The following LGR6 variants were observed in gnomAD, a reference collection of about 807,000 sequenced individuals.
LGR6 encodes the protein leucine rich repeat containing G protein-coupled receptor 6.
Under a neutral mutation model 69.4 loss-of-function variants are expected in LGR6, and 45 were observed. The ratio of observed to expected loss-of-function variants is 0.65; its 90% confidence interval spans 0.51 to 0.83. The LOEUF (loss-of-function observed/expected upper bound fraction) is 0.83, where lower values mean the gene tolerates loss of function less well. Among genes scored for constraint, LGR6 ranks in the 40% least tolerant of loss-of-function variants. LGR6 has a pLI of 0.00. For missense variants in LGR6, 1,108 were observed against 1,246.7 expected (o/e 0.89, Z 1.68); for synonymous variants, 538 against 555.0 (o/e 0.97, Z 0.43).
Position 202,309,053 on chromosome 1 carries a change from A to C in LGR6, c.1283A>C (p.Asp428Ala), listed in dbSNP as rs1312510039. Residue 428 changes from aspartate to alanine, a missense_variant and splice_region_variant, in exon 15 of 18, where the codon GAC becomes GCC. By Grantham distance (126) the Asp-to-Ala change is moderately radical. Transcript: ENST00000367278. ...ACCCTGACCATCCACTGTCCTAGGG[A>C]CCTGACAGACAACCAGCTGACCACA... ...FSTLHSLVKL[D>A]LTDNQLTTLP... 6.2e-7 allele frequency: 1 copy of C among 1,613,886 alleles called. No homozygotes were observed. The highest frequency in any genetic ancestry group is 1.3e-5 in the African/African-American group (1 of 74,902).
chr1:202,314,245 G>T (rs1002547329), intron 16 of LGR6, among the ~76,000 whole-genome samples: 2 of 152,156 alleles, frequency 1.3e-5, no homozygotes, highest in African/African-American at 4.8e-5. Context: ...CTTTGAGGAC[G>T]GCCATGATAC....
At position 202,304,571 on chromosome 1, in the gene LGR6, C is replaced by T. The variant is rs762319211; in HGVS notation, c.1011C>T (p.Arg337=). 40 of 1,609,232 alleles carry T rather than the reference C, an allele frequency of 2.5e-5. No homozygotes were observed. The highest frequency in any genetic ancestry group is 1.7e-4 in the South Asian group (15 of 90,740). Residue 337 remains arginine (R), a synonymous_variant, in exon 11 of 18, where the codon CGC becomes CGT. Transcript: ENST00000367278. ...TTSLEILTLT[R]AGIRLLPSGM... The stretch of plus-strand genomic sequence containing the variant: ...GTTCTCCCTGCAGGACCCTGACCCG[C>T]GCAGGCATCCGGCTGCTCCCATCGG...
Position 202,193,956 on chromosome 1 carries a change from G to A in LGR6, c.-34G>A, listed in dbSNP as rs1251032494. 3.1e-6 allele frequency: 4 copies of A among 1,279,732 alleles called. No individual in the cohort carries two copies. The highest frequency in any genetic ancestry group is 4.0e-6 in the Non-Finnish European group (4 of 1,009,234). 79.3% of individuals were successfully genotyped at this position (1,279,732 alleles called of 1,614,324 possible). On this transcript the variant is annotated 5_prime_UTR_variant, in exon 1 of 18. Coordinates refer to ENST00000367278, the MANE Select transcript of LGR6 (RefSeq NM_001017403.2). ...GCCATCGCGCCGTGCGTCCGCGCCCGGCCGCCAGGTGCCCCAGTAGCCCGA... is the reference window on the plus strand; with the variant it reads ...GCCATCGCGCCGTGCGTCCGCGCCCAGCCGCCAGGTGCCCCAGTAGCCCGA...
At chr1:202,237,629 A>G (rs927688337) in intron 4 of LGR6, among the ~76,000 whole-genome samples, 1 of 152,134 alleles carries the variant, frequency 6.6e-6, no homozygotes, top group African/African-American at 2.4e-5. Context: ...TTTTCCCTAC[A>G]CTTTCTGGGA....
intron 15 of LGR6, among the ~76,000 whole-genome samples, chr1:202,309,628 G>A (rs1572016493): frequency 6.6e-6 from 1 of 152,254 alleles, no homozygotes; most frequent in African/African-American, 2.4e-5. Context: ...CCATGCAGCA[G>A]CAGTGGTGCA....
intron 6 of LGR6, among the ~76,000 whole-genome samples, chr1:202,292,157 G>A (rs1345822854): frequency 2.0e-5 from 3 of 152,226 alleles, no homozygotes; most frequent in African/African-American, 7.2e-5. Flanking sequence ...GGGCATCGGA[G>A]CCCATTAAGG....
intron 4 of LGR6, among the ~76,000 whole-genome samples, chr1:202,264,045 T>G (rs1285392225): frequency 6.6e-6 from 1 of 151,742 alleles, no homozygotes; most frequent in African/African-American, 2.4e-5. Flanking sequence ...ATGGAGAAAT[T>G]GATGGATGGA....
At chr1:202,220,728 C>T (rs76006524) in intron 1 of LGR6, among the ~76,000 whole-genome samples, 8 of 151,908 alleles carry the variant, frequency 5.3e-5, no homozygotes, top group African/African-American at 1.7e-4. Context: ...ACTGTGGGGA[C>T]GGGGTTCTGG....
rs1250281039 is a variant in LGR6, at chr1:202,310,306, G to A, written c.1516G>A (p.Glu506Lys). 2.5e-6 allele frequency: 4 copies of A among 1,613,972 alleles called. No homozygotes were observed. The highest frequency in any genetic ancestry group is 1.1e-5 in the South Asian group (1 of 91,072). ...TGAAGACCTTCACCTTGATGATGAG[G>A]AGTCTTCAAAAAGGCCCCTGGGCCT... ...EAEDLHLDDE[E>K]SSKRPLGLLA... The change falls in exon 16 of 18, where the codon GAG becomes AAG. Residue 506 changes from glutamate (E) to lysine (K), a missense_variant. Physicochemically the swap from Glu to Lys is moderately conservative, Grantham distance 56 (BLOSUM62 1). Transcript: ENST00000367278.
chr1:202,258,293 T>C (rs1663950758), intron 4 of LGR6, among the ~76,000 whole-genome samples: 1 of 152,066 alleles, frequency 6.6e-6, no homozygotes, highest in African/African-American at 2.4e-5. Flanking sequence ...CTATTTATTA[T>C]ATGACATGAA....
rs1253140579 is a variant in LGR6 at position 202,193,953 on chromosome 1, C to A, written c.-37C>A. 7.9e-7 allele frequency: 1 copy of A among 1,266,062 alleles called. No individual in the cohort carries two copies. The highest frequency in any genetic ancestry group is 1.0e-6 in the Non-Finnish European group (1 of 998,866). The allele number at this position is 1,266,062 out of a possible 1,614,324, so 78.4% of individuals were successfully genotyped here. On this transcript the variant is annotated 5_prime_UTR_variant, in exon 1 of 18. Transcript: ENST00000367278. The stretch of plus-strand genomic sequence containing the variant: ...GCGGCCATCGCGCCGTGCGTCCGCG[C>A]CCGGCCGCCAGGTGCCCCAGTAGCC...
chr1:202,313,905 T>C (rs933715104), intron 16 of LGR6, among the ~76,000 whole-genome samples: 1 of 152,228 alleles, frequency 6.6e-6, no homozygotes, highest in Non-Finnish European at 1.5e-5. Context: ...GCACTCATTG[T>C]AGCATGACAA....
chr1:202,244,799 C>T (rs1662510360), intron 4 of LGR6, among the ~76,000 whole-genome samples: 1 of 152,148 alleles, frequency 6.6e-6, no homozygotes, highest in East Asian at 1.9e-4. Flanking sequence ...GAAAGTGGGC[C>T]TGGACCCTGT....
At chr1:202,262,330 A>C (rs1299713369) in intron 4 of LGR6, among the ~76,000 whole-genome samples, 1 of 152,192 alleles carries the variant, frequency 6.6e-6, no homozygotes, top group Non-Finnish European at 1.5e-5. Context: ...TCCCAGCATC[A>C]TTTATTAAAT....
At chr1:202,317,595 C>T (rs1370662842) in intron 17 of LGR6, among the ~76,000 whole-genome samples, 4 of 152,194 alleles carry the variant, frequency 2.6e-5, no homozygotes, top group Non-Finnish European at 5.9e-5. Context: ...ATCCATCCGC[C>T]TCAGCCTCCG....
intron 4 of LGR6, among the ~76,000 whole-genome samples, chr1:202,241,562 G>T (rs1325713398): frequency 6.6e-6 from 1 of 152,174 alleles, no homozygotes; most frequent in African/African-American, 2.4e-5. Context: ...AGTTTGGGAG[G>T]GGGGAGAATG....
chr1:202,315,078 GGGAGTAGCATGAAT>G (rs1258494827), intron 17 of LGR6, among the ~76,000 whole-genome samples, 196 bp downstream of exon 17: 1 of 152,218 alleles, frequency 6.6e-6, no homozygotes, highest in African/African-American at 2.4e-5. Context: ...GCTGCTTGAG[GGGAGTAGCATGAAT>G]GGAGGCGAAG....
At chr1:202,209,760 G>A (rs1659389793) in intron 1 of LGR6, among the ~76,000 whole-genome samples, 1 of 152,226 alleles carries the variant, frequency 6.6e-6, no homozygotes, top group Admixed American at 6.5e-5. Flanking sequence ...GTGAGTGTGT[G>A]AGGAATGCAG....
chr1:202,230,136 G>GT (rs1660896520), intron 3 of LGR6, among the ~76,000 whole-genome samples: 1 of 152,072 alleles, frequency 6.6e-6, no homozygotes, highest in Non-Finnish European at 1.5e-5. Context: ...GGCTCTCCCT[G>GT]TGGGACACTC....
Sources: gnomAD v4.1 joint callset for allele counts (sites outside exome capture counted in the v4.1 genomes callset) on GRCh38, gnomAD v4.1.1 for gene constraint, MANE v1.5 for transcripts, NCBI Gene and HGNC (gene_info 2026-07-23, HGNC 2026-07-21) for gene names.